The following ACY3 variants were observed in gnomAD, a reference collection of about 807,000 sequenced individuals.
The protein encoded by ACY3 is N-acyl-aromatic-L-amino acid amidohydrolase (carboxylate-forming).
A neutral mutation model predicts 24.6 loss-of-function variants in ACY3; 20 were observed. The observed-to-expected ratio is 0.81, with a 90% CI of 0.57 to 1.18. The LOEUF (loss-of-function observed/expected upper bound fraction) is 1.18. ACY3 is among the 50% of genes most tolerant of loss of function. The pLI is 0.00. For synonymous variants in ACY3, 174 were observed against 188.4 expected (o/e 0.92, Z 0.62); for missense variants, 423 against 426.8 (o/e 0.99, Z 0.08).
chr11:67,642,723 G>A lies in ACY3; in HGVS notation c.*1C>T. The stretch of plus-strand genomic sequence containing the variant: ...CTGAGGTTGGGGAGGTGTGTCTTGG[G>A]TTAGGAAGCTGGGCTCGGGGCAGGG... On this transcript the variant is annotated 3_prime_UTR_variant, in exon 8 of 8. Transcript: ENST00000255082. 1 of 1,614,082 alleles carries A rather than the reference G, an allele frequency of 6.2e-7. No homozygotes were observed. Among genetic ancestry groups the A allele is most frequent in the South Asian group, 1.1e-5 (1 of 91,082 alleles).
chr11:67,645,362 A>G lies in ACY3; in HGVS notation c.451T>C (p.Ser151Pro). The change falls in exon 5 of 8, where the codon TCC becomes CCC. Residue 151 changes from serine (S) to proline (P), a missense_variant. Ser to Pro is a moderately conservative substitution (Grantham distance 74, BLOSUM62 -1). Coordinates refer to ENST00000255082, the MANE Select transcript of ACY3 (RefSeq NM_080658.2). ...RHLQLQYPELSCQVFLYQRSG... is the reference protein window; with the variant it reads ...RHLQLQYPELPCQVFLYQRSG... ...CGCTGGTACAGGAAGACCTGGCAGG[A>G]CAGCTCGGGGTACTGCAGCTGGGGG... The G allele has an allele frequency of 6.2e-7, 1 of 1,613,510 alleles. No homozygotes were observed. The highest frequency in any genetic ancestry group is 1.7e-5 in the Admixed American group (1 of 59,992).
Position 67,642,629 on chromosome 11 carries a change from A to C in ACY3, c.*95T>G. 1.5e-6 allele frequency: 2 copies of C among 1,315,484 alleles called. No individual in the cohort carries two copies. Among genetic ancestry groups the C allele is most frequent in the Admixed American group, 1.7e-5 (1 of 58,986 alleles). 81.5% of individuals were successfully genotyped at this position (1,315,484 alleles called of 1,614,324 possible). A position where few individuals can be genotyped will look rare whatever the true frequency, so the allele number is the denominator to read the frequency against. On this transcript the variant is annotated 3_prime_UTR_variant, in exon 8 of 8. Coordinates refer to ENST00000255082, the MANE Select transcript of ACY3 (RefSeq NM_080658.2). ...GGAGGCCTGGCAAGGAACATGGTGC[A>C]TGGTAGGTGGCAGAAGGGACCTCTG... is the stretch of plus-strand genomic sequence containing the variant.
intron 7 of ACY3, among the ~76,000 whole-genome samples, chr11:67,644,433 G>C (rs1371030642): frequency 4.6e-5 from 7 of 152,206 alleles, no homozygotes; most frequent in African/African-American, 1.7e-4. Context: ...CAGGTGAATT[G>C]AGTCATGCCT....
intron 3 of ACY3, 104 bp downstream of exon 3, chr11:67,646,704 C>G (rs1855522318): frequency 9.3e-7 from 1 of 1,069,794 alleles, no homozygotes; most frequent in Admixed American, 2.1e-5. Flanking sequence ...AGAGGGGAAG[C>G]AGGAGTGAAG....
At chr11:67,649,069 G>A (rs568090281) in intron 1 of ACY3, among the ~76,000 whole-genome samples, 1 of 152,350 alleles carries the variant, frequency 6.6e-6, no homozygotes, top group African/African-American at 2.4e-5. Context: ...TTTTGCAGGT[G>A]TGGACTGAAG....
At chr11:67,649,639 TGTGTGC>T (rs1472578245) in intron 1 of ACY3, among the ~76,000 whole-genome samples, 1 of 147,104 alleles carries the variant, frequency 6.8e-6, no homozygotes, top group African/African-American at 2.7e-5. Flanking sequence ...ACAGCATGCG[TGTGTGC>T]GTGCGTGTGT....
At chr11:67,646,707 G>A in intron 3 of ACY3, 101 bp downstream of exon 3, 5 of 1,109,582 alleles carry the variant, frequency 4.5e-6, no homozygotes, top group South Asian at 2.7e-5. Flanking sequence ...GGGGAAGCAG[G>A]AGTGAAGGCA....
rs746428118 is a variant in ACY3, at chr11:67,646,934, G to T, written c.110C>A (p.Ala37Asp). The T allele has an allele frequency of 1.2e-6, 2 of 1,604,726 alleles. No individual in the cohort carries two copies. The highest frequency in any genetic ancestry group is 2.7e-5 in the African/African-American group (2 of 74,822). The change falls in exon 3 of 8, where the codon GCC becomes GAC. Residue 37 changes from alanine to aspartate, a missense_variant. Ala to Asp is a moderately radical substitution (Grantham distance 126). Transcript: ENST00000255082. ...GVYLARHWLH[A>D]PAELQRASFS... is the part of the protein sequence containing the mutation. ...GCTGGCTCTCTGCAGCTCTGCGGGG[G>T]CATGCAGCCAGTGCCGGGCCAGGTA...
At chr11:67,649,681 TTGTGTGCA>T (rs1352960943) in intron 1 of ACY3, among the ~76,000 whole-genome samples, 17 of 145,654 alleles carry the variant, frequency 1.2e-4, no homozygotes, top group African/African-American at 7.9e-5. Context: ...TGCATGAGTA[TTGTGTGCA>T]TGTGTGCATG....
chr11:67,646,706 G>C, intron 3 of ACY3, 102 bp downstream of exon 3: 1 of 1,103,010 alleles, frequency 9.1e-7, no homozygotes, highest in South Asian at 1.3e-5. Context: ...AGGGGAAGCA[G>C]GAGTGAAGGC....
intron 3 of ACY3, 106 bp from the exon 4 acceptor site, chr11:67,645,993 C>T (rs912538934): frequency 1.9e-5 from 21 of 1,125,850 alleles, no homozygotes; most frequent in East Asian, 1.5e-4. Flanking sequence ...CTGAGCAGCT[C>T]GAGCGAGGGC....
intron 1 of ACY3, among the ~76,000 whole-genome samples, chr11:67,649,594 ATG>A (rs902487425): frequency 2.8e-5 from 4 of 142,526 alleles, no homozygotes; most frequent in Non-Finnish European, 4.6e-5. Flanking sequence ...GCATGAGAGC[ATG>A]TGTGTGCGTG....
intron 3 of ACY3, 21 bp downstream of exon 3, chr11:67,646,787 C>T (rs755097737): frequency 1.9e-6 from 3 of 1,609,006 alleles, no homozygotes; most frequent in East Asian, 2.2e-5. Context: ...CCTGGGCCAA[C>T]CTGGCGGCAA....
Position 67,642,916 on chromosome 11 carries a change from C to G in ACY3, c.768G>C (p.Gln256His). The G allele has an allele frequency of 6.2e-7, 1 of 1,613,896 alleles. No homozygotes were observed. Among genetic ancestry groups the G allele is most frequent in the South Asian group, 1.1e-5 (1 of 91,090 alleles). Reference sequence around the variant, plus strand: ...ACATCTGGAAGATGGGAGCACCAGGCTGCAGTGGCTGGAAGTCTCGGTCCT... The same window carrying G: ...ACATCTGGAAGATGGGAGCACCAGGGTGCAGTGGCTGGAAGTCTCGGTCCT... ...QLQDRDFQPL[Q>H]PGAPIFQMFS... The change falls in exon 8 of 8, where the codon CAG becomes CAC. Residue 256 changes from glutamine (Q) to histidine (H), a missense_variant. Physicochemically the swap from Gln to His is conservative, Grantham distance 24 (BLOSUM62 0). Transcript: ENST00000255082.
At position 67,645,201 on chromosome 11, in the gene ACY3, C is replaced by A. The variant is rs750693428; in HGVS notation, c.527-49G>T. 45 of 1,604,078 alleles carry A rather than the reference C, an allele frequency of 2.8e-5. No homozygotes were observed. In the African/African-American group the frequency reaches 5.8e-4, roughly 21 times the overall value. On this transcript the variant is annotated intron_variant, in intron 5 of 7. Transcript: ENST00000255082. ...TAGGCAGGTGCAGGACCCATATACTCCTTGAAGAGGCCCTGCCCCTTGGTG... is the reference window on the plus strand; with the variant it reads ...TAGGCAGGTGCAGGACCCATATACTACTTGAAGAGGCCCTGCCCCTTGGTG...
At chr11:67,645,419 T>TTGGGAAGGGAAACTGAGG in intron 4 of ACY3, 39 bp from the exon 5 acceptor site, 1 of 1,595,476 alleles carries the variant, frequency 6.3e-7, no homozygotes. Flanking sequence ...CCAGGCCTAC[T>TTGGGAAGGGAAACTGAGG]TGGGAAGGGA....
Position 67,645,195 on chromosome 11 carries a change from T to C in ACY3, c.527-43A>G, listed in dbSNP as rs1184422560. 1.9e-6 allele frequency: 3 copies of C among 1,605,308 alleles called. No homozygotes were observed. In the Middle Eastern group the frequency reaches 5.0e-4, roughly 266 times the overall value. ...AGGGGTTAGGCAGGTGCAGGACCCA[T>C]ATACTCCTTGAAGAGGCCCTGCCCC... On this transcript the variant is annotated intron_variant, in intron 5 of 7. Transcript: ENST00000255082.
rs17148450 is a variant in ACY3 at position 67,645,300 on chromosome 11, G to T, written c.513C>A (p.Ala171=). 1 of 1,613,438 alleles carries T rather than the reference G, an allele frequency of 6.2e-7. No individual in the cohort carries two copies. The highest frequency in any genetic ancestry group is 8.5e-7 in the Non-Finnish European group (1 of 1,179,888). The change falls in exon 5 of 8, where the codon GCC becomes GCA. Residue 171 remains alanine (A), a synonymous_variant. Coordinates refer to ENST00000255082, the MANE Select transcript of ACY3 (RefSeq NM_080658.2). ...GCTGCGGCCCACCCAGTCCATTTTT[G>T]GCCACAGAGTCCAGGTTGTAGCTCT... ...GEESYNLDSV[A]KNGLGLELGP...
chr11:67,647,022 G>A lies in ACY3; in HGVS notation c.22C>T (p.Arg8Trp), dbSNP rs200922233. ...ACAGCCACGCGACGCAGGGGCTCCC[G>A]GGGCACAGGCAGTGAGCACATGCTG... MCSLPVP[R>W]EPLRRVAVTG... The change falls in exon 3 of 8, where the codon CGG becomes TGG. Residue 8 changes from arginine (R) to tryptophan (W), a missense_variant. By Grantham distance (101) the Arg-to-Trp change is moderately radical. Transcript: ENST00000255082. 4 of 1,538,946 alleles carry A rather than the reference G, an allele frequency of 2.6e-6. No homozygotes were observed. The East Asian group carries it at 7.3e-5, about 28-fold the overall frequency.
Sources: allele counts gnomAD v4.1 joint callset (sites outside exome capture counted in the v4.1 genomes callset), GRCh38; gene constraint gnomAD v4.1.1; transcripts MANE v1.5; gene names NCBI Gene and HGNC (gene_info 2026-07-23, HGNC 2026-07-21).